Variants in RASSF2 observed in about 807,000 individuals in gnomAD.
The protein encoded by RASSF2 is Ras association domain family member 2, also known as ras association domain-containing protein 2.
Under a neutral mutation model 46.3 loss-of-function variants are expected in RASSF2, and 34 were observed. The ratio of observed to expected loss-of-function variants is 0.73; its 90% CI spans 0.56 to 0.98. RASSF2 has a LOEUF of 0.98. Ranked by LOEUF, RASSF2 falls within the 50% of genes least tolerant of loss-of-function variation. The pLI, the probability that RASSF2 is intolerant of heterozygous loss-of-function variation, is 0.00. For missense variants in RASSF2, 364 were observed against 431.2 expected (o/e 0.84, Z 1.38); for synonymous variants, 158 against 162.5 (o/e 0.97, Z 0.21).
chr20:4,823,049 G>A (rs1928821897), intron 1 of RASSF2, among the ~76,000 whole-genome samples: 1 of 152,218 alleles, frequency 6.6e-6, no homozygotes, highest in African/African-American at 2.4e-5. Context: ...TCGGACCCAA[G>A]GCAGGCCGGC....
chr20:4,794,743 GA>G (rs1242176315), intron 5 of RASSF2, among the ~76,000 whole-genome samples: 1 of 152,134 alleles, frequency 6.6e-6, no homozygotes, highest in Non-Finnish European at 1.5e-5. Flanking sequence ...TGATAGTGCT[GA>G]AAAGCAGAGC....
chr20:4,815,742 T>C (rs977796584), intron 2 of RASSF2, among the ~76,000 whole-genome samples: 1 of 152,184 alleles, frequency 6.6e-6, no homozygotes, highest in African/African-American at 2.4e-5. Flanking sequence ...CAGCAGTGGG[T>C]CTGGGCCCCA....
intron 2 of RASSF2, among the ~76,000 whole-genome samples, chr20:4,803,159 C>A (rs1490287352): frequency 6.6e-6 from 1 of 152,022 alleles, no homozygotes; most frequent in Non-Finnish European, 1.5e-5. Flanking sequence ...AACCTGCTTG[C>A]CTCGGCCTCC....
chr20:4,814,641 C>G (rs1195090693), intron 2 of RASSF2, among the ~76,000 whole-genome samples: 1 of 152,134 alleles, frequency 6.6e-6, no homozygotes, highest in Admixed American at 6.6e-5. Flanking sequence ...GTCCAGAGCC[C>G]TCCAGGGTGG....
Position 4,788,255 on chromosome 20 carries a change from G to A in RASSF2, c.653C>T (p.Ala218Val). The A allele has an allele frequency of 6.2e-7, 1 of 1,608,724 alleles. No homozygotes were observed. The highest frequency in any genetic ancestry group is 8.5e-7 in the Non-Finnish European group (1 of 1,175,064). The change falls in exon 9 of 12, where the codon GCA becomes GTA. Residue 218 changes from alanine to valine, a missense_variant. By Grantham distance (64) the Ala-to-Val change is moderately conservative. Transcript: ENST00000379400. ...GACCACGTACAAGGCAAACTCCTCTGCTGAATTCTCAATCTGAAGCAGGAG... is the reference window on the plus strand; with the variant it reads ...GACCACGTACAAGGCAAACTCCTCTACTGAATTCTCAATCTGAAGCAGGAG... ...LLNKFKIENS[A>V]EEFALYVVHT...
At chr20:4,786,918 A>C (rs1925402635) in intron 10 of RASSF2, among the ~76,000 whole-genome samples, 1 of 152,086 alleles carries the variant, frequency 6.6e-6, no homozygotes, top group Non-Finnish European at 1.5e-5. Flanking sequence ...CCCCGTCTCT[A>C]CTAAAAATAC....
intron 7 of RASSF2, 138 bp from the exon 8 acceptor site, chr20:4,789,835 A>C (rs931517165): frequency 1.5e-6 from 1 of 682,736 alleles, no homozygotes; most frequent in South Asian, 1.8e-5. Context: ...GGCAAGCAGC[A>C]GGCTTTGTAG....
intron 3 of RASSF2, among the ~76,000 whole-genome samples, chr20:4,798,903 A>T (rs1346015388): frequency 6.6e-6 from 1 of 151,780 alleles, no homozygotes; most frequent in African/African-American, 2.4e-5. Context: ...TAAAGGAAGC[A>T]ATAGCCACAC....
At chr20:4,805,713 C>T (rs1193478883) in intron 2 of RASSF2, among the ~76,000 whole-genome samples, 1 of 152,076 alleles carries the variant, frequency 6.6e-6, no homozygotes, top group South Asian at 2.1e-4. Context: ...GTTGAGAGGC[C>T]GGAGCCCGAG....
intron 3 of RASSF2, among the ~76,000 whole-genome samples, chr20:4,798,721 G>A (rs1360055054): frequency 6.6e-6 from 1 of 151,244 alleles, no homozygotes; most frequent in Non-Finnish European, 1.5e-5. Flanking sequence ...AGCTACTCAG[G>A]AGGCTGAGGC....
rs1013913153 is a variant in RASSF2 at position 4,792,651 on chromosome 20, GA to G, written c.288-25del. 4 of 1,612,422 alleles carry G rather than the reference GA, an allele frequency of 2.5e-6. No individual in the cohort carries two copies. In the African/African-American group the frequency reaches 5.3e-5, roughly 22 times the overall value. On this transcript the variant is annotated intron_variant, in intron 5 of 11. Coordinates refer to ENST00000379400, the MANE Select transcript of RASSF2 (RefSeq NM_014737.3). ...TTCTGGGAGTGGAGAAGACAAAGGG[GA>G]GGGGGGAGACTAGTTTAAGCCCTGT...
intron 3 of RASSF2, among the ~76,000 whole-genome samples, chr20:4,798,502 G>A (rs771796623): frequency 5.9e-5 from 9 of 152,124 alleles, no homozygotes; most frequent in Non-Finnish European, 1.3e-4. Context: ...TGTGAGTGAG[G>A]AAAGGACAAT....
chr20:4,792,468 T>A lies in RASSF2; in HGVS notation c.376+71A>T. 7 of 1,591,172 alleles carry A rather than the reference T, an allele frequency of 4.4e-6. No individual in the cohort carries two copies. In the South Asian group the frequency reaches 8.0e-5, roughly 18 times the overall value. On this transcript the variant is annotated intron_variant, in intron 6 of 11. Coordinates refer to ENST00000379400, the MANE Select transcript of RASSF2 (RefSeq NM_014737.3). ...TTATATTCTCAAAAATAAATAACAG[T>A]TTACAACATCTATCACAGCGGTCTT...
At chr20:4,796,702 C>T (rs1314358676) in intron 4 of RASSF2, among the ~76,000 whole-genome samples, 2 of 152,164 alleles carry the variant, frequency 1.3e-5, no homozygotes, top group East Asian at 3.9e-4. Context: ...TGTTCTATCC[C>T]GAAGAATTGG....
At chr20:4,799,450 T>C (rs141613352) in intron 3 of RASSF2, among the ~76,000 whole-genome samples, 123 of 152,272 alleles carry the variant, frequency 8.1e-4, no homozygotes, top group African/African-American at 2.9e-3. Context: ...AAGTAAGAGG[T>C]GGCAGAGTTC....
chr20:4,819,682 T>C (rs1373561692), intron 2 of RASSF2, among the ~76,000 whole-genome samples: 3 of 152,198 alleles, frequency 2.0e-5, no homozygotes, highest in African/African-American at 4.8e-5. Flanking sequence ...CAATACTCTT[T>C]CATGACATTT....
chr20:4,815,534 G>C (rs933646405), intron 2 of RASSF2, among the ~76,000 whole-genome samples: 4 of 152,154 alleles, frequency 2.6e-5, no homozygotes, highest in African/African-American at 4.8e-5. Context: ...GGCAAGCGTT[G>C]GGCACACACA....
At chr20:4,787,578 C>A in intron 10 of RASSF2, 55 bp downstream of exon 10, 1 of 1,610,412 alleles carries the variant, frequency 6.2e-7, no homozygotes, top group South Asian at 1.1e-5. Context: ...TACAGGTGGT[C>A]CAACCAAATC....
chr20:4,798,165 T>C, intron 3 of RASSF2, 80 bp from the exon 4 acceptor site: 1 of 1,567,378 alleles, frequency 6.4e-7, no homozygotes, highest in South Asian at 1.1e-5. Flanking sequence ...TTCTCTCACC[T>C]CTCACCTGGC....
Sources: allele counts gnomAD v4.1 joint callset (sites outside exome capture counted in the v4.1 genomes callset), GRCh38; gene constraint gnomAD v4.1.1; transcripts MANE v1.5; gene names NCBI Gene and HGNC (gene_info 2026-07-23, HGNC 2026-07-21).